SCHIP1: variants seen among roughly 807,000 people sequenced by gnomAD.
SCHIP1 encodes the protein schwannomin interacting protein 1.
In SCHIP1, 8 loss-of-function variants were observed where a neutral mutation model predicts 29.7. The ratio of observed to expected loss-of-function variants is 0.27; its 90% confidence interval spans 0.16 to 0.49. The LOEUF (loss-of-function observed/expected upper bound fraction) is 0.49. Ranked by LOEUF, SCHIP1 falls within the 20% of genes least tolerant of loss-of-function variation. The probability of loss-of-function intolerance (pLI) is 0.99; values close to 1 mark genes in which losing one functional copy is unlikely to be tolerated. For synonymous variants in SCHIP1, 76 were observed against 94.9 expected (o/e 0.80, Z 1.16); for missense variants, 193 against 294.6 (o/e 0.66, Z 2.52).
chr3:159,499,764 T>C, the SCHIP1 span, among the ~76,000 whole-genome samples: 2 of 152,212 alleles, frequency 1.3e-5, no homozygotes, highest in Non-Finnish European at 2.9e-5. Context: ...ATGCTAGTTG[T>C]TTTACATGCC....
At chr3:159,694,193 T>C in the SCHIP1 span, among the ~76,000 whole-genome samples, 1 of 152,032 alleles carries the variant, frequency 6.6e-6, no homozygotes, top group Non-Finnish European at 1.5e-5. Context: ...ATTTTTGTAA[T>C]AGAGATTGTG....
chr3:159,664,164 C>T, the SCHIP1 span, among the ~76,000 whole-genome samples: 2 of 152,164 alleles, frequency 1.3e-5, no homozygotes, highest in Non-Finnish European at 2.9e-5. Flanking sequence ...GAGGAAAGGA[C>T]ATTTCATTCA....
At chr3:159,465,375 GAA>G in the SCHIP1 span, among the ~76,000 whole-genome samples, 5 of 151,198 alleles carry the variant, frequency 3.3e-5, no homozygotes, top group African/African-American at 1.2e-4. Flanking sequence ...AAATTAGAGA[GAA>G]AGAGAGAGAA....
chr3:159,599,807 C>T, the SCHIP1 span, among the ~76,000 whole-genome samples: 20 of 152,254 alleles, frequency 1.3e-4, no homozygotes, highest in African/African-American at 4.3e-4. Context: ...GTGATTGTTT[C>T]ATCAGCGAGT....
chr3:159,401,969 A>G, the SCHIP1 span, among the ~76,000 whole-genome samples: 1 of 152,188 alleles, frequency 6.6e-6, no homozygotes, highest in Non-Finnish European at 1.5e-5. Flanking sequence ...ACAGCAAAAG[A>G]AACCACCATC....
chr3:159,288,508 C>T, the SCHIP1 span, among the ~76,000 whole-genome samples: 5 of 152,064 alleles, frequency 3.3e-5, no homozygotes, highest in African/African-American at 1.2e-4. Context: ...GAGGCCGGGG[C>T]GGGCGGATCA....
chr3:159,401,213 A>G, the SCHIP1 span: 2,191 of 941,168 alleles, frequency 2.3e-3, 39 homozygotes, highest in African/African-American at 0.037. Context: ...CTTTGTAATA[A>G]GTGAACTGAC....
chr3:159,513,178 ACT>A, the SCHIP1 span, among the ~76,000 whole-genome samples: 1 of 152,314 alleles, frequency 6.6e-6, no homozygotes, highest in East Asian at 1.9e-4. Context: ...GAATGGATAA[ACT>A]CTAAATTCAC....
chr3:159,431,932 T>C, the SCHIP1 span, among the ~76,000 whole-genome samples: 1 of 152,072 alleles, frequency 6.6e-6, no homozygotes, highest in African/African-American at 2.4e-5. Context: ...TAGTTTTAGG[T>C]CATTTACCTT....
chr3:159,765,217 C>A, the SCHIP1 span: 1 of 1,411,402 alleles, frequency 7.1e-7, no homozygotes, highest in Non-Finnish European at 9.4e-7. Flanking sequence ...CCCCTCCCTG[C>A]GCTCCCGCCC....
the SCHIP1 span, among the ~76,000 whole-genome samples, chr3:159,551,497 A>G: frequency 6.6e-6 from 1 of 152,208 alleles, no homozygotes. Flanking sequence ...GTGATTATAA[A>G]GGAAAAACAG....
chr3:159,337,662 A>C, the SCHIP1 span, among the ~76,000 whole-genome samples: 1 of 152,122 alleles, frequency 6.6e-6, no homozygotes, highest in Non-Finnish European at 1.5e-5. Context: ...CTGTCTTCTA[A>C]TCATGTTTCT....
At chr3:159,622,949 G>A in the SCHIP1 span, among the ~76,000 whole-genome samples, 1 of 152,002 alleles carries the variant, frequency 6.6e-6, no homozygotes, top group Non-Finnish European at 1.5e-5. Flanking sequence ...TTTACATGGA[G>A]GAAACATATG....
chr3:159,327,092 A>G, the SCHIP1 span, among the ~76,000 whole-genome samples: 1 of 152,326 alleles, frequency 6.6e-6, no homozygotes, highest in South Asian at 2.1e-4. Flanking sequence ...TGCATTTAAA[A>G]TTTCCCTAGT....
At chr3:159,596,799 G>A in the SCHIP1 span, among the ~76,000 whole-genome samples, 1 of 151,898 alleles carries the variant, frequency 6.6e-6, no homozygotes, top group East Asian at 1.9e-4. Context: ...GGGGTGTCAT[G>A]GGGTGGGTGG....
the SCHIP1 span, among the ~76,000 whole-genome samples, chr3:159,492,640 G>T: frequency 0.11 from 17,483 of 152,252 alleles, 1,047 homozygotes; most frequent in Non-Finnish European, 0.13. Context: ...GTACCTGAAA[G>T]TGATGGGGAG....
the SCHIP1 span, among the ~76,000 whole-genome samples, chr3:159,584,997 C>T: frequency 6.6e-6 from 1 of 152,058 alleles, no homozygotes; most frequent in Non-Finnish European, 1.5e-5. Flanking sequence ...CCCTTACCTT[C>T]TTTATATCCT....
At chr3:159,709,519 ATTAT>A in the SCHIP1 span, among the ~76,000 whole-genome samples, 1 of 152,248 alleles carries the variant, frequency 6.6e-6, no homozygotes, top group Non-Finnish European at 1.5e-5. Flanking sequence ...AAGAAGTATA[ATTAT>A]TTGCTTCCCA....
chr3:159,670,219 T>C, the SCHIP1 span, among the ~76,000 whole-genome samples: 2 of 152,206 alleles, frequency 1.3e-5, no homozygotes, highest in African/African-American at 2.4e-5. Flanking sequence ...ATTGTAAAGT[T>C]TGACATAAGA....
Sources: gnomAD v4.1 joint callset for allele counts (sites outside exome capture counted in the v4.1 genomes callset) on GRCh38, gnomAD v4.1.1 for gene constraint, MANE v1.5 for transcripts, NCBI Gene and HGNC (gene_info 2026-07-23, HGNC 2026-07-21) for gene names.